The following TRPC1 variants were observed in gnomAD, a reference collection of about 807,000 sequenced individuals.
The protein encoded by TRPC1 is short transient receptor potential channel 1.
TRPC1 carries 42 observed loss-of-function variants against 88.2 expected under a neutral mutation model. The ratio of observed to expected loss-of-function variants is 0.48; its 90% confidence interval spans 0.37 to 0.62. The LOEUF (loss-of-function observed/expected upper bound fraction) is 0.62, where lower values mean the gene tolerates loss of function less well. Ranked by LOEUF, TRPC1 falls within the 20% of genes least tolerant of loss-of-function variation. The pLI is 0.00. For missense variants in TRPC1, 699 were observed against 957.3 expected, an observed-to-expected ratio of 0.73 and a Z score of 3.56; for synonymous variants, 288 against 331.8, an observed-to-expected ratio of 0.87 and a Z score of 1.43.
In TRPC1 at chr3:142,724,876, C is replaced by T; in HGVS notation, c.172+145C>T. 1 of 946,290 alleles carries T rather than the reference C, an allele frequency of 1.1e-6. No homozygotes were observed. The highest frequency in any genetic ancestry group is 2.1e-5 in the South Asian group (1 of 47,448). 58.6% of individuals were successfully genotyped at this position (946,290 alleles called of 1,614,324 possible). A position where few individuals can be genotyped will look rare whatever the true frequency, so the allele number is the denominator to read the frequency against. On this transcript the variant is annotated intron_variant, in intron 1 of 12. Coordinates refer to ENST00000476941, the MANE Select transcript of TRPC1 (RefSeq NM_001251845.2). The surrounding 1 kb of genome is among the most constrained non-coding windows in gnomAD (Gnocchi z 5.6). The stretch of plus-strand genomic sequence containing the variant: ...CTCGCCTGCTGCCTCAGGCGGTCTT[C>T]TCCTCACCGCCTCTGCCCTGTGAGT...
chr3:142,733,493 G>A (rs1934011961), intron 1 of TRPC1, among the ~76,000 whole-genome samples: 1 of 152,168 alleles, frequency 6.6e-6, no homozygotes, highest in Admixed American at 6.5e-5. Flanking sequence ...CAGCCTGGGT[G>A]ACAGAGTGAG....
intron 4 of TRPC1, among the ~76,000 whole-genome samples, chr3:142,748,793 C>T (rs1308765307): frequency 6.6e-6 from 1 of 152,180 alleles, no homozygotes; most frequent in Non-Finnish European, 1.5e-5. Context: ...CACCTCCTAT[C>T]TCATTTATAA....
chr3:142,748,527 G>A, intron 4 of TRPC1, 67 bp downstream of exon 4: 1 of 1,539,442 alleles, frequency 6.5e-7, no homozygotes, highest in Non-Finnish European at 8.9e-7. Context: ...TTTTAAAATT[G>A]GTATTCTTTC....
intron 1 of TRPC1, among the ~76,000 whole-genome samples, chr3:142,734,110 T>C (rs1934034448): frequency 6.6e-6 from 1 of 152,206 alleles, no homozygotes; most frequent in South Asian, 2.1e-4. Flanking sequence ...GTTTGTGTTA[T>C]TGTGGGCTCT....
In TRPC1 at chr3:142,807,122, AAGAT is replaced by A. The variant is rs373356172; in HGVS notation, c.*894_*897del. On this transcript the variant is annotated 3_prime_UTR_variant, in exon 13 of 13. Transcript: ENST00000476941. ...AGTTGGAGTGAATGTTTTTAGTTTT[AAGAT>A]AGATAGGAGACACTTTTTTATCACA... The A allele has an allele frequency of 3.9e-5, 6 of 151,926 alleles. No individual in the cohort carries two copies. The highest frequency in any genetic ancestry group is 9.7e-5 in the African/African-American group (4 of 41,398). The allele number at this position is 151,926 out of a possible 1,614,324, so 9.4% of individuals were successfully genotyped here.
At chr3:142,777,233 G>A (rs113468515) in intron 4 of TRPC1, among the ~76,000 whole-genome samples, 32 of 152,214 alleles carry the variant, frequency 2.1e-4, no homozygotes, top group African/African-American at 7.5e-4. Flanking sequence ...CCAGGTGTTC[G>A]AGACTAAGGC....
chr3:142,753,726 C>CAAA lies in TRPC1; in HGVS notation c.632+5284_632+5286dup, dbSNP rs1198639773. Reference sequence around the variant, plus strand: ...GTCACAGTGAGCTGAGACTCTGCCTCAAAAAAAAAAAAAAAAAAAACTTAG... The same window carrying CAAA: ...GTCACAGTGAGCTGAGACTCTGCCTCAAAAAAAAAAAAAAAAAAAAAAACTTAG... On this transcript the variant is annotated intron_variant, in intron 4 of 12. Coordinates refer to ENST00000476941, the MANE Select transcript of TRPC1 (RefSeq NM_001251845.2). Among the ~76,000 whole-genome samples the CAAA allele has an allele frequency of 2.3e-3, 197 of 87,488 alleles. 5 individuals carry two copies. Among genetic ancestry groups the CAAA allele is most frequent in the African/African-American group, 7.6e-3 (177 of 23,372 alleles). The allele number at this position is 87,488 out of a possible 152,430, so 57.4% of individuals were successfully genotyped here.
rs766703399 is a variant in TRPC1 at position 142,724,530 on chromosome 3, T to C, written c.-30T>C. The C allele has an allele frequency of 1.4e-6, 2 of 1,474,794 alleles. No individual in the cohort carries two copies. Among genetic ancestry groups the C allele is most frequent in the Non-Finnish European group, 1.8e-6 (2 of 1,117,672 alleles). 91.4% of individuals were successfully genotyped at this position (1,474,794 alleles called of 1,614,324 possible). A position where few individuals can be genotyped will look rare whatever the true frequency, so the allele number is the denominator to read the frequency against. On this transcript the variant is annotated 5_prime_UTR_variant, in exon 1 of 13. Coordinates refer to ENST00000476941, the MANE Select transcript of TRPC1 (RefSeq NM_001251845.2). This position sits in a 1 kb window ranked among gnomAD's most constrained non-coding sequence, Gnocchi z 5.6. ...GGGGCCGGTGGGGGCCCCGCCCCCG[T>C]CTCCTGGCCTGCCCCCTTCATGGGC...
intron 4 of TRPC1, 54 bp downstream of exon 4, chr3:142,748,514 G>A (rs1577958375): frequency 6.4e-7 from 1 of 1,569,624 alleles, no homozygotes; most frequent in East Asian, 2.2e-5. Context: ...CAACAATGTT[G>A]ATTTTTAAAA....
intron 2 of TRPC1, among the ~76,000 whole-genome samples, chr3:142,742,595 G>A (rs1431326912): frequency 1.3e-5 from 2 of 152,078 alleles, no homozygotes; most frequent in Non-Finnish European, 2.9e-5. Flanking sequence ...GTTTCCAAGA[G>A]CAAGAACATT....
intron 7 of TRPC1, among the ~76,000 whole-genome samples, chr3:142,787,196 G>T (rs984328299): frequency 6.6e-6 from 1 of 152,176 alleles, no homozygotes; most frequent in African/African-American, 2.4e-5. Context: ...CACAGCTTCT[G>T]CTTTGAAACA....
Position 142,792,369 on chromosome 3 carries a change from G to A in TRPC1, c.1438-455G>A, listed in dbSNP as rs72990743. On this transcript the variant is annotated intron_variant, in intron 8 of 12. Coordinates refer to ENST00000476941, the MANE Select transcript of TRPC1 (RefSeq NM_001251845.2). The surrounding 1 kb of genome is among the most constrained non-coding windows in gnomAD (Gnocchi z 4.0). ...GGCAATGGGGACAATTGACCACTGT[G>A]TCTAGGTACAATAATGCCCTCTTTT... Among the ~76,000 whole-genome samples, 10,097 of 151,928 alleles carry A rather than the reference G, an allele frequency of 0.066. 1,076 individuals carry two copies. Among genetic ancestry groups the A allele is most frequent in the African/African-American group, 0.22 (9,293 of 41,402 alleles).
chr3:142,757,224 C>T (rs1289947840), intron 4 of TRPC1, among the ~76,000 whole-genome samples: 1 of 116,248 alleles, frequency 8.6e-6, no homozygotes, highest in Non-Finnish European at 1.7e-5. Context: ...GATTTCCTTT[C>T]TTTTGGATAT....
chr3:142,733,978 G>A (rs1934031531), intron 1 of TRPC1, among the ~76,000 whole-genome samples: 2 of 152,194 alleles, frequency 1.3e-5, no homozygotes, highest in Non-Finnish European at 2.9e-5. Context: ...ACTGTACAAA[G>A]TGAGGAGTTG....
intron 1 of TRPC1, among the ~76,000 whole-genome samples, chr3:142,726,904 G>C (rs1471463769): frequency 2.0e-5 from 3 of 152,146 alleles, no homozygotes; most frequent in Non-Finnish European, 4.4e-5. Context: ...ACAACCCCAT[G>C]AGCCAGATCT....
At chr3:142,795,423 C>T (rs1936421745) in intron 9 of TRPC1, among the ~76,000 whole-genome samples, 1 of 151,912 alleles carries the variant, frequency 6.6e-6, no homozygotes, top group African/African-American at 2.4e-5. Flanking sequence ...TTCAGTGTAT[C>T]ACTGCTGAAA....
At chr3:142,781,312 G>C (rs1397274418) in intron 6 of TRPC1, among the ~76,000 whole-genome samples, 1 of 152,094 alleles carries the variant, frequency 6.6e-6, no homozygotes, top group African/African-American at 2.4e-5. Context: ...TTATAACATG[G>C]ATGTTGATTT....
rs768585061 is a variant in TRPC1 at position 142,802,195 on chromosome 3, T to C, written c.1608T>C (p.Asp536=). 2.5e-6 allele frequency: 4 copies of C among 1,587,748 alleles called. No individual in the cohort carries two copies. Among genetic ancestry groups the C allele is most frequent in the Non-Finnish European group, 3.4e-6 (4 of 1,170,232 alleles). The part of the protein sequence containing the change: ...LQISMGQMLQ[D]FGKFLGMFLL... The stretch of plus-strand genomic sequence containing the variant: ...TTTCAATGGGACAGATGTTACAAGA[T>C]TTTGGAAAATTTCTTGGGATGTTTC... The change falls in exon 10 of 13, where the codon GAT becomes GAC. Residue 536 remains aspartate (D), a synonymous_variant. Coordinates refer to ENST00000476941, the MANE Select transcript of TRPC1 (RefSeq NM_001251845.2).
At chr3:142,779,740 A>G (rs906690523) in intron 5 of TRPC1, among the ~76,000 whole-genome samples, 5 of 152,090 alleles carry the variant, frequency 3.3e-5, no homozygotes, top group South Asian at 2.1e-4. Flanking sequence ...TCAGTTTGGG[A>G]AAAAACTGAA....
Sources: allele counts gnomAD v4.1 joint callset (sites outside exome capture counted in the v4.1 genomes callset), GRCh38; gene constraint gnomAD v4.1.1; non-coding constraint Gnocchi (gnomAD v3.1); transcripts MANE v1.5; gene names NCBI Gene and HGNC (gene_info 2026-07-23, HGNC 2026-07-21).